The following TRPM3 variants were observed in gnomAD, a reference collection of about 807,000 sequenced individuals.
The protein encoded by TRPM3 is long transient receptor potential channel 3.
TRPM3 carries 77 observed loss-of-function variants against 181.2 expected under a neutral mutation model. That is an observed-to-expected ratio of 0.42 (90% CI 0.35 to 0.51). The LOEUF (loss-of-function observed/expected upper bound fraction) is 0.51. TRPM3 is among the 20% of genes least tolerant of loss of function. TRPM3 has a pLI of 0.01. For synonymous variants in TRPM3, 745 were observed against 796.4 expected, an observed-to-expected ratio of 0.94 and a Z score of 1.09; for missense variants, 1,759 against 2,196.7, an observed-to-expected ratio of 0.80 and a Z score of 3.98.
chr9:71,410,721 C>G (rs2131448933), intron 1 of TRPM3, among the ~76,000 whole-genome samples: 1 of 152,198 alleles, frequency 6.6e-6, no homozygotes, highest in East Asian at 1.9e-4. Context: ...CTATTCCAAT[C>G]AATAGAAAAA....
intron 1 of TRPM3, among the ~76,000 whole-genome samples, chr9:71,441,715 C>T (rs1428201756): frequency 6.6e-6 from 1 of 151,444 alleles, no homozygotes; most frequent in Non-Finnish European, 1.5e-5. Flanking sequence ...TCACTGCAAC[C>T]TCTGCCTCCA....
intron 1 of TRPM3, among the ~76,000 whole-genome samples, chr9:71,265,455 T>C (rs1475139634): frequency 1.3e-5 from 2 of 152,228 alleles, no homozygotes; most frequent in African/African-American, 4.8e-5. Context: ...TGGTGACACA[T>C]ATTGGCATGT....
At chr9:70,978,211 T>C (rs2097326140) in intron 1 of TRPM3, among the ~76,000 whole-genome samples, 1 of 152,220 alleles carries the variant, frequency 6.6e-6, no homozygotes. Context: ...TACGTATTTC[T>C]TATAATTACA....
chr9:71,319,171 T>C (rs2088948044), intron 1 of TRPM3, among the ~76,000 whole-genome samples: 1 of 152,122 alleles, frequency 6.6e-6, no homozygotes, highest in South Asian at 2.1e-4. Context: ...GTCACATACT[T>C]TGTAAGTGTA....
At chr9:71,305,251 G>A (rs887281827) in intron 1 of TRPM3, among the ~76,000 whole-genome samples, 2 of 152,202 alleles carry the variant, frequency 1.3e-5, no homozygotes, top group Non-Finnish European at 2.9e-5. Context: ...CATTTGGAAT[G>A]CTGTAAAAGC....
chr9:71,030,272 T>C (rs2134651998), intron 1 of TRPM3, among the ~76,000 whole-genome samples: 1 of 152,288 alleles, frequency 6.6e-6, no homozygotes, highest in Non-Finnish European at 1.5e-5. Flanking sequence ...TAATGAAGTT[T>C]AAAGATTGCA....
At chr9:70,700,706 TC>T (rs2072239580) in intron 8 of TRPM3, among the ~76,000 whole-genome samples, 1 of 152,224 alleles carries the variant, frequency 6.6e-6, no homozygotes, top group Admixed American at 6.5e-5. Flanking sequence ...ATAGAAACTT[TC>T]ATCAGATTGA....
intron 9 of TRPM3, among the ~76,000 whole-genome samples, chr9:70,662,886 C>T (rs1020918195): frequency 6.6e-6 from 1 of 152,072 alleles, no homozygotes; most frequent in Non-Finnish European, 1.5e-5. Context: ...AATCCTGCTA[C>T]TGGGTATCTA....
Position 71,184,821 on chromosome 9 carries a change from C to T in TRPM3, c.183+261832G>A, listed in dbSNP as rs1375010922. Among the ~76,000 whole-genome samples, 8 of 152,224 alleles carry T rather than the reference C, an allele frequency of 5.3e-5. No individual in the cohort carries two copies. In the East Asian group the frequency reaches 1.4e-3, roughly 26 times the overall value. ...TTACATGCTCATCCAAATTTAATTT[C>T]ATGTGTTGCTTAGGCCAGAGGAAGG... On this transcript the variant is annotated intron_variant, in intron 1 of 24. Transcript: ENST00000357533.
intron 1 of TRPM3, among the ~76,000 whole-genome samples, chr9:71,032,074 ATAT>A (rs2057517160): frequency 1.7e-5 from 1 of 60,076 alleles, no homozygotes; most frequent in African/African-American, 5.5e-5. Flanking sequence ...ATATTATATT[ATAT>A]TATATATATA....
rs530642805 is a variant in TRPM3, at chr9:70,827,958, T to A, written c.862A>T (p.Met288Leu). The A allele has an allele frequency of 6.8e-6, 11 of 1,614,126 alleles. No homozygotes were observed. The Admixed American group carries it at 8.3e-5, about 12-fold the overall frequency. The change falls in exon 6 of 26, where the codon ATG (methionine) becomes TTG (leucine). Residue 288 changes from methionine to leucine, a missense_variant. By Grantham distance (15) the Met-to-Leu change is conservative (BLOSUM62 2). Transcript: ENST00000677713. ...PMSKLTVLNS[M>L]HSHFILADNG... Reference sequence around the variant, plus strand: ...TCAGCCAGAATGAAGTGGGAATGCATGCTGTTGAGAACAGTGAGCTTGCTC... The same window carrying A: ...TCAGCCAGAATGAAGTGGGAATGCAAGCTGTTGAGAACAGTGAGCTTGCTC...
intron 1 of TRPM3, among the ~76,000 whole-genome samples, chr9:71,184,839 G>C (rs764964229): frequency 6.6e-6 from 1 of 152,122 alleles, no homozygotes; most frequent in Non-Finnish European, 1.5e-5. Context: ...GCTTAGGCCA[G>C]AGGAAGGTGC....
chr9:70,557,984 G>A (rs1266346088), intron 22 of TRPM3, among the ~76,000 whole-genome samples: 1 of 152,146 alleles, frequency 6.6e-6, no homozygotes, highest in Non-Finnish European at 1.5e-5. Context: ...CGGGTGAAAT[G>A]AACTTCAATG....
At position 70,621,252 on chromosome 9, in the gene TRPM3, C is replaced by A; in HGVS notation, c.1831G>T (p.Gly611Ter). 1 of 1,598,870 alleles carries A rather than the reference C, an allele frequency of 6.3e-7. No individual in the cohort carries two copies. Among genetic ancestry groups the A allele is most frequent in the Non-Finnish European group, 8.5e-7 (1 of 1,172,464 alleles). ...PKRPKALKLL[G>*]MEDDIPLRRG... ...TTTGGACAAACACTTACCTCCATTCCCAGCAGTTTCAAGGCTTTGGGCTGT... is the reference window on the plus strand; with the variant it reads ...TTTGGACAAACACTTACCTCCATTCACAGCAGTTTCAAGGCTTTGGGCTGT... The change falls in exon 15 of 26, where the codon GGA becomes TGA. Residue 611 changes from glycine to a stop codon, truncating the protein, a stop_gained. Coordinates refer to ENST00000677713, the MANE Select transcript of TRPM3 (RefSeq NM_001366145.2). LOFTEE classifies it high-confidence loss of function.
intron 1 of TRPM3, among the ~76,000 whole-genome samples, chr9:71,388,599 T>A (rs1025571898): frequency 1.3e-5 from 2 of 152,086 alleles, no homozygotes; most frequent in Admixed American, 6.6e-5. Flanking sequence ...TCCTACCTAT[T>A]TCAGCCTTGA....
At position 70,846,395 on chromosome 9, in the gene TRPM3, G is replaced by A; in HGVS notation, c.659C>T (p.Thr220Ile). Residue 220 changes from threonine to isoleucine, a missense_variant, in exon 4 of 26, where the codon ACT (threonine) becomes ATT (isoleucine). Physicochemically the swap from Thr to Ile is moderately conservative, Grantham distance 89 (BLOSUM62 -1). Around this residue, in one of 8 missense-constraint regions of TRPM3, gnomAD observed 737 missense variants for 957.4 expected, o/e 0.77. Coordinates refer to ENST00000677713, the MANE Select transcript of TRPM3 (RefSeq NM_001366145.2). ...GCAATTACCTGTGTTAACCCCTCCA[G>A]TGAATATCCACGCTCCAGTTGTCAT... The part of the protein sequence containing the change: ...AAMTTGAWIF[T>I]GGVNTGVIRH... The A allele has an allele frequency of 6.2e-7, 1 of 1,614,084 alleles. No individual in the cohort carries two copies. The highest frequency in any genetic ancestry group is 8.5e-7 in the Non-Finnish European group (1 of 1,179,962).
At chr9:71,303,805 G>GT (rs1409191926) in intron 1 of TRPM3, among the ~76,000 whole-genome samples, 1 of 151,924 alleles carries the variant, frequency 6.6e-6, no homozygotes, top group Non-Finnish European at 1.5e-5. Context: ...TTTTAAATAG[G>GT]TTTTTAATAG....
At chr9:71,234,456 C>T (rs1481797380) in intron 1 of TRPM3, among the ~76,000 whole-genome samples, 2 of 152,138 alleles carry the variant, frequency 1.3e-5, no homozygotes, top group African/African-American at 4.8e-5. Context: ...TAATAAACTA[C>T]CACAGATTGG....
chr9:71,222,826 G>A (rs2080321116), intron 1 of TRPM3, among the ~76,000 whole-genome samples: 1 of 152,148 alleles, frequency 6.6e-6, no homozygotes, highest in Non-Finnish European at 1.5e-5. Context: ...GGACTCAGCT[G>A]ATACCCACAG....
Sources: allele counts gnomAD v4.1 joint callset (sites outside exome capture counted in the v4.1 genomes callset), GRCh38; gene constraint gnomAD v4.1.1; regional missense constraint gnomAD v4.1.1; transcripts MANE v1.5; gene names NCBI Gene and HGNC (gene_info 2026-07-23, HGNC 2026-07-21).